SCAF11: variants seen among roughly 807,000 people sequenced by gnomAD.
The protein encoded by SCAF11 is SR-related CTD associated factor 11.
SCAF11 carries 47 observed loss-of-function variants against 140.5 expected under a neutral mutation model. The observed-to-expected ratio is 0.33, with a 90% confidence interval of 0.26 to 0.43. The LOEUF is 0.43. Ranked by LOEUF, SCAF11 falls within the 20% of genes least tolerant of loss-of-function variation. SCAF11 has a pLI of 1.00. For missense variants in SCAF11, 1,645 were observed against 1,705.1 expected (o/e 0.96, Z 0.62); for synonymous variants, 557 against 579.4 (o/e 0.96, Z 0.55).
Position 45,926,753 on chromosome 12 carries a change from C to A in SCAF11, c.2948G>T (p.Arg983Leu). The change falls in exon 11 of 15, where the codon CGG (arginine) becomes CTG (leucine). Residue 983 changes from arginine to leucine, a missense_variant. Arg to Leu is a moderately radical substitution (Grantham distance 102). Transcript: ENST00000369367. ...DGWRCPRGND[R>L]YRKNDPEKQN... ...TTTCTCTGGGTCATTCTTTCTGTAC[C>A]GATCATTTCCTCGTGGACATCTCCA... The A allele has an allele frequency of 6.2e-7, 1 of 1,613,942 alleles. No homozygotes were observed. Among genetic ancestry groups the A allele is most frequent in the East Asian group, 2.2e-5 (1 of 44,874 alleles).
At position 45,927,497 on chromosome 12, in the gene SCAF11, G is replaced by A; in HGVS notation, c.2204C>T (p.Pro735Leu). 6.2e-7 allele frequency: 1 copy of A among 1,613,652 alleles called. No individual in the cohort carries two copies. The highest frequency in any genetic ancestry group is 8.5e-7 in the Non-Finnish European group (1 of 1,179,958). Residue 735 changes from proline to leucine, a missense_variant, in exon 11 of 15, where the codon CCA becomes CTA. Pro to Leu is a moderately conservative substitution (Grantham distance 98). Around this residue, in one of 2 missense-constraint regions of SCAF11, gnomAD observed 1,582 missense variants for 1,609.2 expected, o/e 0.98. Transcript: ENST00000369367. ...TTGTTTAAGATCAGCATTTACAGAT[G>A]GTTCAACTTCAGATTCATTTTGGTC... ...CSDQNESEVE[P>L]SVNADLKQMN...
chr12:45,984,851 C>T (rs185493671), intron 1 of SCAF11, among the ~76,000 whole-genome samples: 1 of 152,318 alleles, frequency 6.6e-6, no homozygotes, highest in Non-Finnish European at 1.5e-5. Context: ...TGGGCCACTA[C>T]ACCTGGCTAA....
At chr12:45,950,899 C>A (rs564416388) in intron 4 of SCAF11, among the ~76,000 whole-genome samples, 45 of 152,212 alleles carry the variant, frequency 3.0e-4, no homozygotes, top group Middle Eastern at 6.8e-3. Flanking sequence ...CTATTAACGG[C>A]ATCACTTATG....
rs1565688602 is a variant in SCAF11, at chr12:45,972,869, T to TATATATATATCG, written c.-21-8682_-21-8681insCGATATATATAT. ...GCCAGTATATATATATATATCGATATATATATATATAGATATATATATAGA... is the reference window on the plus strand; with the variant it reads ...GCCAGTATATATATATATATCGATATATATATATATCGATATATATATAGATATATATATAGA... On this transcript the variant is annotated intron_variant, in intron 1 of 14. Transcript: ENST00000369367. Among the ~76,000 whole-genome samples, 287 of 54,340 alleles carry TATATATATATCG rather than the reference T, an allele frequency of 5.3e-3. 8 individuals are homozygous for TATATATATATCG. The highest frequency in any genetic ancestry group is 0.021 in the African/African-American group (276 of 13,162). The allele number at this position is 54,340 out of a possible 152,430, so 35.6% of individuals were successfully genotyped here.
intron 6 of SCAF11, among the ~76,000 whole-genome samples, chr12:45,943,321 CTTAAGT>C (rs1252829225): frequency 6.6e-6 from 1 of 152,100 alleles, no homozygotes; most frequent in Non-Finnish European, 1.5e-5. Context: ...ACAAACAATT[CTTAAGT>C]TTTAAATTGT....
Position 45,926,723 on chromosome 12 carries a change from TTC to T in SCAF11, c.2976_2977del (p.Asn993Ter), listed in dbSNP as rs1944872888. The T allele has an allele frequency of 1.9e-6, 3 of 1,613,314 alleles. No homozygotes were observed. The highest frequency in any genetic ancestry group is 2.5e-6 in the Non-Finnish European group (3 of 1,179,938). ...ATTTTTTTCTTTTCTTGTATTTTCA[TTC>T]TGTTTCTCTGGGTCATTCTTTCTGT... On this transcript the variant is annotated frameshift_variant, in exon 11 of 15. Coordinates refer to ENST00000369367, the MANE Select transcript of SCAF11 (RefSeq NM_004719.3). LOFTEE classifies it high-confidence loss of function.
chr12:45,961,951 C>T (rs1479584385), intron 2 of SCAF11, 94 bp from the exon 3 acceptor site: 3 of 871,234 alleles, frequency 3.4e-6, no homozygotes, highest in African/African-American at 3.5e-5. Flanking sequence ...CTCTAAAGGA[C>T]CCTCCTACTA....
At chr12:45,957,017 C>G (rs1381111274) in intron 3 of SCAF11, among the ~76,000 whole-genome samples, 1 of 152,114 alleles carries the variant, frequency 6.6e-6, no homozygotes, top group Non-Finnish European at 1.5e-5. Context: ...GTGGAGCTAG[C>G]AATCACTCCA....
chr12:45,987,929 T>C (rs1234015244), intron 1 of SCAF11, among the ~76,000 whole-genome samples: 1 of 152,234 alleles, frequency 6.6e-6, no homozygotes, highest in Non-Finnish European at 1.5e-5. Flanking sequence ...AATTTTTATG[T>C]GTCTATGTAC....
intron 1 of SCAF11, among the ~76,000 whole-genome samples, chr12:45,965,725 T>C (rs1429033182): frequency 6.6e-6 from 1 of 152,246 alleles, no homozygotes; most frequent in Non-Finnish European, 1.5e-5. Context: ...TTATCAGTTG[T>C]GATTCTCCTA....
chr12:45,956,011 T>C (rs946692207), intron 3 of SCAF11: 2 of 679,258 alleles, frequency 2.9e-6, no homozygotes, highest in Admixed American at 4.4e-5. Flanking sequence ...TTCCTAATGA[T>C]TTCAGTAAAA....
At chr12:45,979,889 A>G (rs11503846) in intron 1 of SCAF11, among the ~76,000 whole-genome samples, 15 of 119,368 alleles carry the variant, frequency 1.3e-4, no homozygotes, top group African/African-American at 8.7e-4. Context: ...ACTTAAAATT[A>G]AAAAAAAAAA....
intron 1 of SCAF11, among the ~76,000 whole-genome samples, chr12:45,971,778 G>A (rs1946079968): frequency 6.6e-6 from 1 of 151,968 alleles, no homozygotes; most frequent in African/African-American, 2.4e-5. Flanking sequence ...ATGGTAGTGG[G>A]TGCAACAGTG....
chr12:45,944,901 T>G (rs559762871), intron 6 of SCAF11, among the ~76,000 whole-genome samples: 41 of 152,308 alleles, frequency 2.7e-4, no homozygotes, highest in South Asian at 8.3e-4. Flanking sequence ...CTGCTTACAG[T>G]AACTGGCCCA....
chr12:45,942,372 G>GA (rs1316496104), intron 6 of SCAF11, among the ~76,000 whole-genome samples: 1 of 152,120 alleles, frequency 6.6e-6, no homozygotes, highest in Non-Finnish European at 1.5e-5. Flanking sequence ...GAACAAAAAA[G>GA]AAAAAAGCCA....
intron 1 of SCAF11, among the ~76,000 whole-genome samples, chr12:45,965,103 G>A (rs984097776): frequency 5.9e-5 from 9 of 152,112 alleles, no homozygotes; most frequent in Non-Finnish European, 8.8e-5. Flanking sequence ...TAGATGGATC[G>A]CTAATGATTG....
At chr12:45,955,532 T>C (rs759460706) in intron 3 of SCAF11, 1 of 152,970 alleles carries the variant, frequency 6.5e-6, no homozygotes, top group East Asian at 1.9e-4. Context: ...GTCTCAAAGA[T>C]GTTTTTAGTT....
At chr12:45,982,346 G>C (rs1007519793) in intron 1 of SCAF11, among the ~76,000 whole-genome samples, 1 of 152,102 alleles carries the variant, frequency 6.6e-6, no homozygotes, top group Non-Finnish European at 1.5e-5. Flanking sequence ...ACAGCTTACA[G>C]AATCATTCTT....
chr12:45,923,205 G>A, intron 12 of SCAF11, 51 bp from the exon 13 acceptor site: 1 of 1,488,364 alleles, frequency 6.7e-7, no homozygotes, highest in South Asian at 1.1e-5. Context: ...CTCGATAGAA[G>A]TCTTTTAGTG....
Sources: gnomAD v4.1 joint callset for allele counts (sites outside exome capture counted in the v4.1 genomes callset) on GRCh38, gnomAD v4.1.1 for gene constraint, gnomAD v4.1.1 regional missense constraint, MANE v1.5 for transcripts, NCBI Gene and HGNC (gene_info 2026-07-23, HGNC 2026-07-21) for gene names.